Variants in PCF11 observed in about 807,000 individuals in gnomAD.
PCF11 encodes the protein PCF11 cleavage and polyadenylation factor subunit.
PCF11 carries 19 observed loss-of-function variants against 166.1 expected under a neutral mutation model. That is an observed-to-expected ratio of 0.11 (90% confidence interval 0.08 to 0.17). The LOEUF (loss-of-function observed/expected upper bound fraction) is 0.17. Among genes scored for constraint, PCF11 ranks in the 10% least tolerant of loss-of-function variants. PCF11 has a pLI of 1.00. For synonymous variants in PCF11, 663 were observed against 644.1 expected, an observed-to-expected ratio of 1.03 and a Z score of -0.44; for missense variants, 1,565 against 1,855.5, an observed-to-expected ratio of 0.84 and a Z score of 2.88.
chr11:83,183,116 ATAAAT>A (rs1861139264), intron 15 of PCF11, 43 bp downstream of exon 15: 1 of 1,180,700 alleles, frequency 8.5e-7, no homozygotes, highest in Admixed American at 2.7e-5. Flanking sequence ...ATTTGCATTA[ATAAAT>A]TTTACTTTTC....
rs181032823 is a variant in PCF11, at chr11:83,183,706, T to C, written c.4452+633T>C. ...GGTTTCACCACATTGGTCAGGCTGG[T>C]CTTGAACTCCTGACCTCAAGTGATC... On this transcript the variant is annotated intron_variant, in intron 15 of 15. Coordinates refer to ENST00000298281, the Ensembl canonical transcript of PCF11. Among the ~76,000 whole-genome samples the C allele has an allele frequency of 2.2e-3, 329 of 151,410 alleles. 9 individuals carry two copies. The highest frequency in any genetic ancestry group is 0.018 in the Admixed American group (270 of 15,202).
chr11:83,176,692 G>T (rs576629551), intron 9 of PCF11, among the ~76,000 whole-genome samples: 1 of 151,934 alleles, frequency 6.6e-6, no homozygotes, highest in African/African-American at 2.4e-5. Flanking sequence ...GTCGGGGGGT[G>T]GGGGGTCTGG....
At position 83,157,854 on chromosome 11, in the gene PCF11, C is replaced by T. The variant is rs775883223; in HGVS notation, c.192+223C>T. 5.2e-6 allele frequency: 3 copies of T among 573,484 alleles called. No homozygotes were observed. The South Asian group carries it at 6.4e-5, about 12-fold the overall frequency. 35.5% of individuals were successfully genotyped at this position (573,484 alleles called of 1,614,324 possible). On this transcript the variant is annotated intron_variant, in intron 1 of 15. Coordinates refer to ENST00000298281, the Ensembl canonical transcript of PCF11. Reference sequence around the variant, plus strand: ...AAGGGTGGAGTCCCACTTCCGCTTTCCAACTCCCTTTTTAGGCCACCGCAT... The same window carrying T: ...AAGGGTGGAGTCCCACTTCCGCTTTTCAACTCCCTTTTTAGGCCACCGCAT...
intron 1 of PCF11, 92 bp downstream of exon 1, chr11:83,157,723 G>A: frequency 8.4e-7 from 1 of 1,196,704 alleles, no homozygotes; most frequent in Middle Eastern, 1.9e-4. Flanking sequence ...TCCCAAGGGG[G>A]ACAGTGTTCC....
chr11:83,186,559 C>A (rs1304419866), exon 16 of PCF11: 1 of 152,174 alleles, frequency 6.6e-6, no homozygotes, highest in Non-Finnish European at 1.5e-5. Context: ...AGTGAAGAGC[C>A]TTCTTGGTCA....
At chr11:83,171,107 T>C in intron 8 of PCF11, 1 of 315,230 alleles carries the variant, frequency 3.2e-6, no homozygotes, top group Admixed American at 4.6e-5. Flanking sequence ...ATACCAGCAA[T>C]ATGTAGAAGT....
exon 1 of PCF11, chr11:83,157,310 G>A: frequency 2.7e-6 from 2 of 753,488 alleles, no homozygotes; most frequent in Non-Finnish European, 4.2e-6. Flanking sequence ...TCCCCCCTCC[G>A]CGGTCAGCAT....
intron 2 of PCF11, among the ~76,000 whole-genome samples, chr11:83,161,781 T>C (rs192566482): frequency 1.0e-3 from 157 of 152,330 alleles, no homozygotes; most frequent in Non-Finnish European, 2.2e-4. Flanking sequence ...TCAAGAGTAA[T>C]TAAAATTTCA....
At chr11:83,180,971 A>G in intron 11 of PCF11, 37 bp from the exon 12 acceptor site, 1 of 1,249,784 alleles carries the variant, frequency 8.0e-7, no homozygotes. Context: ...ATTAAGCCAT[A>G]TTATCAACAC....
chr11:83,167,808 C>G lies in PCF11; in HGVS notation c.2092+303C>G. On this transcript the variant is annotated intron_variant, in intron 7 of 15. Transcript: ENST00000298281. This position sits in a 1 kb window ranked among gnomAD's most constrained non-coding sequence, Gnocchi z 4.2. Reference sequence around the variant, plus strand: ...ACAATTTAGTGAAAGAGCAAGACGTCTTTCTCCTATATCTGGGAGTCGTAC... The same window carrying G: ...ACAATTTAGTGAAAGAGCAAGACGTGTTTCTCCTATATCTGGGAGTCGTAC... The G allele has an allele frequency of 7.4e-7, 1 of 1,353,044 alleles. No individual in the cohort carries two copies. The highest frequency in any genetic ancestry group is 1.5e-5 in the African/African-American group (1 of 68,502). The allele number at this position is 1,353,044 out of a possible 1,614,324, so 83.8% of individuals were successfully genotyped here.
exon 8 of PCF11, chr11:83,169,443 T>C (rs761931680): frequency 1.2e-6 from 2 of 1,613,814 alleles, no homozygotes; most frequent in Non-Finnish European, 1.7e-6. Flanking sequence ...GTTGTCATGC[T>C]TTAAGGTTTG....
intron 15 of PCF11, chr11:83,184,219 G>C (rs1861190129): frequency 6.5e-6 from 1 of 153,322 alleles, no homozygotes; most frequent in Admixed American, 6.6e-5. Context: ...TCAAGTAATG[G>C]AATAAATAGG....
intron 8 of PCF11, chr11:83,171,231 G>T (rs1045016767): frequency 3.7e-5 from 16 of 431,230 alleles, no homozygotes; most frequent in African/African-American, 1.2e-4. Context: ...CCTTTTACAA[G>T]ATTACTTTGT....
intron 4 of PCF11, among the ~76,000 whole-genome samples, chr11:83,165,349 T>C (rs1365162984): frequency 6.6e-6 from 1 of 152,254 alleles, no homozygotes; most frequent in East Asian, 1.9e-4. Context: ...GAGAAACAAT[T>C]TTTTTTCATT....
chr11:83,176,509 A>G (rs1253204221), intron 9 of PCF11, among the ~76,000 whole-genome samples: 3 of 152,180 alleles, frequency 2.0e-5, no homozygotes, highest in Non-Finnish European at 2.9e-5. Context: ...TGCAGCCATA[A>G]AAAAGGATGA....
At chr11:83,179,933 C>T (rs535310657) in intron 11 of PCF11, among the ~76,000 whole-genome samples, 210 of 151,794 alleles carry the variant, frequency 1.4e-3, no homozygotes, top group Middle Eastern at 3.4e-3. Flanking sequence ...AAAAAACGGG[C>T]GGGGGGTGGA....
rs1256298385 is a variant in PCF11, at chr11:83,164,414, G to A, written c.702+13G>A. 4 of 1,590,556 alleles carry A rather than the reference G, an allele frequency of 2.5e-6. No homozygotes were observed. In the South Asian group the frequency reaches 4.6e-5, roughly 18 times the overall value. Reference sequence around the variant, plus strand: ...TAAGGCACAGTTGGTAAGTAAGGGAGATTGTCATTTTAAATATTTTAAACC... The same window carrying A: ...TAAGGCACAGTTGGTAAGTAAGGGAAATTGTCATTTTAAATATTTTAAACC... On this transcript the variant is annotated intron_variant, in intron 4 of 15. Transcript: ENST00000298281.
rs1045742449 is a variant in PCF11, at chr11:83,167,674, A to G, written c.2092+169A>G. The G allele has an allele frequency of 2.0e-6, 3 of 1,523,408 alleles. No homozygotes were observed. The highest frequency in any genetic ancestry group is 1.8e-6 in the Non-Finnish European group (2 of 1,139,082). The allele number at this position is 1,523,408 out of a possible 1,614,324, so 94.4% of individuals were successfully genotyped here. On this transcript the variant is annotated intron_variant, in intron 7 of 15. Coordinates refer to ENST00000298281, the Ensembl canonical transcript of PCF11. This position sits in a 1 kb window ranked among gnomAD's most constrained non-coding sequence, Gnocchi z 4.2. ...CCAAGACTTGATCTCTTAGATCCTG[A>G]TATTTTTGACTACCCTTTGACTGAT...
At chr11:83,178,907 C>T (rs936165526) in intron 11 of PCF11, among the ~76,000 whole-genome samples, 4 of 152,012 alleles carry the variant, frequency 2.6e-5, no homozygotes, top group African/African-American at 9.7e-5. Flanking sequence ...ACGTACAACT[C>T]TCACTTTATG....
Sources: allele counts gnomAD v4.1 joint callset (sites outside exome capture counted in the v4.1 genomes callset), GRCh38; gene constraint gnomAD v4.1.1; non-coding constraint Gnocchi (gnomAD v3.1); transcripts MANE v1.5; gene names NCBI Gene and HGNC (gene_info 2026-07-23, HGNC 2026-07-21).